Variants in LRMDA observed in about 807,000 individuals in gnomAD.
LRMDA encodes the protein leucine rich melanocyte differentiation associated.
LRMDA carries 18 observed loss-of-function variants against 29.8 expected under a neutral mutation model. That is an observed-to-expected ratio of 0.60 (90% confidence interval 0.42 to 0.90). The LOEUF (loss-of-function observed/expected upper bound fraction) is 0.90, where lower values mean the gene tolerates loss of function less well. Among genes scored for constraint, LRMDA ranks in the 40% least tolerant of loss-of-function variants. The pLI, the probability that LRMDA is intolerant of heterozygous loss-of-function variation, is 0.00. For synonymous variants in LRMDA, 125 were observed against 109.4 expected (o/e 1.14, Z -0.89); for missense variants, 273 against 273.9 (o/e 1.00, Z 0.02).
intron 6 of LRMDA, among the ~76,000 whole-genome samples, chr10:76,425,257 T>C (rs1379823733): frequency 6.6e-6 from 1 of 152,234 alleles, no homozygotes; most frequent in East Asian, 1.9e-4. Context: ...ATTACCAATG[T>C]CACCATTATT....
At chr10:75,799,645 G>A (rs1337567506) in intron 2 of LRMDA, among the ~76,000 whole-genome samples, 1 of 149,540 alleles carries the variant, frequency 6.7e-6, no homozygotes, top group African/African-American at 2.5e-5. Flanking sequence ...CTCCCAAGTA[G>A]CTGAGATCAC....
intron 2 of LRMDA, among the ~76,000 whole-genome samples, chr10:75,910,071 A>G (rs1845819358): frequency 2.0e-5 from 3 of 152,350 alleles, no homozygotes; most frequent in South Asian, 4.1e-4. Context: ...GAAATGTATC[A>G]TAGGAGAAAC....
At chr10:75,708,558 G>C (rs1842397398) in intron 2 of LRMDA, among the ~76,000 whole-genome samples, 1 of 152,068 alleles carries the variant, frequency 6.6e-6, no homozygotes, top group African/African-American at 2.4e-5. Context: ...TGGGAGGTGT[G>C]GGATTTGCAG....
chr10:76,341,844 G>C (rs1242646264), intron 6 of LRMDA, among the ~76,000 whole-genome samples: 1 of 152,158 alleles, frequency 6.6e-6, no homozygotes, highest in Non-Finnish European at 1.5e-5. Flanking sequence ...AGAGTCCCAA[G>C]AGACAGGAAG....
intron 6 of LRMDA, among the ~76,000 whole-genome samples, chr10:76,415,298 C>A (rs971198702): frequency 3.3e-5 from 5 of 152,200 alleles, no homozygotes; most frequent in Non-Finnish European, 7.4e-5. Flanking sequence ...CTTCTCCTGC[C>A]TTGTTTAAGA....
intron 4 of LRMDA, among the ~76,000 whole-genome samples, chr10:76,055,793 G>A (rs1234034019): frequency 1.3e-5 from 2 of 152,250 alleles, no homozygotes; most frequent in Non-Finnish European, 2.9e-5. Flanking sequence ...GCAGGCACTG[G>A]GGAACGTGGT....
intron 6 of LRMDA, among the ~76,000 whole-genome samples, chr10:76,461,250 G>A (rs1002775760): frequency 1.3e-5 from 2 of 152,174 alleles, no homozygotes; most frequent in Non-Finnish European, 2.9e-5. Context: ...GGTGTGAAAT[G>A]TCTAGGTATG....
rs548347176 is a variant in LRMDA, at chr10:76,320,618, A to G, written c.517-3783A>G. Among the ~76,000 whole-genome samples, 3 of 152,332 alleles carry G rather than the reference A, an allele frequency of 2.0e-5. No homozygotes were observed. The East Asian group carries it at 5.8e-4, about 29-fold the overall frequency. ...GAAATAGGGCCTTTTGGTGTTTTTA[A>G]AAAAATTTCAGGCTTAAGTCTGAGA... is the stretch of plus-strand genomic sequence containing the variant. On this transcript the variant is annotated intron_variant, in intron 5 of 6. Transcript: ENST00000611255.
intron 2 of LRMDA, among the ~76,000 whole-genome samples, chr10:75,644,740 A>G (rs139939233): frequency 2.6e-4 from 40 of 152,268 alleles, no homozygotes; most frequent in African/African-American, 8.4e-4. Flanking sequence ...CATGCCGCCA[A>G]CTGATTCTCT....
At chr10:75,498,999 C>G (rs1845080720) in intron 2 of LRMDA, among the ~76,000 whole-genome samples, 1 of 151,984 alleles carries the variant, frequency 6.6e-6, no homozygotes. Context: ...TGTGCAGGAC[C>G]AGGTGAGAAG....
intron 2 of LRMDA, among the ~76,000 whole-genome samples, chr10:75,512,885 A>C (rs1845241776): frequency 6.6e-6 from 1 of 152,166 alleles, no homozygotes; most frequent in Non-Finnish European, 1.5e-5. Flanking sequence ...AATTTACCCT[A>C]CTTGTTAAAC....
intron 5 of LRMDA, among the ~76,000 whole-genome samples, chr10:76,238,254 T>A (rs1589388615): frequency 6.6e-6 from 1 of 151,988 alleles, no homozygotes; most frequent in East Asian, 1.9e-4. Flanking sequence ...TGAGCCGGGG[T>A]TGAGTTAGAC....
chr10:76,460,082 T>C (rs906895717), intron 6 of LRMDA, among the ~76,000 whole-genome samples: 2 of 152,234 alleles, frequency 1.3e-5, no homozygotes, highest in African/African-American at 4.8e-5. Flanking sequence ...CCTTTCATAA[T>C]GTGTCCCCTA....
chr10:76,460,475 A>G (rs1842500752), intron 6 of LRMDA, among the ~76,000 whole-genome samples: 1 of 152,218 alleles, frequency 6.6e-6, no homozygotes, highest in Non-Finnish European at 1.5e-5. Context: ...CAAGATGGAG[A>G]TCTGTGTTCC....
chr10:75,871,268 T>C (rs1416649883), intron 2 of LRMDA, among the ~76,000 whole-genome samples: 1 of 152,212 alleles, frequency 6.6e-6, no homozygotes, highest in East Asian at 1.9e-4. Context: ...TTCCTGCTGA[T>C]GGTGTCTCAC....
chr10:75,754,905 C>A (rs1843012527), intron 2 of LRMDA, among the ~76,000 whole-genome samples: 4 of 152,048 alleles, frequency 2.6e-5, no homozygotes, highest in Admixed American at 1.3e-4. Context: ...ACTTTTCCTG[C>A]AATTTTATTC....
chr10:75,649,763 C>T (rs994750793), intron 2 of LRMDA, among the ~76,000 whole-genome samples: 2 of 152,202 alleles, frequency 1.3e-5, no homozygotes, highest in Non-Finnish European at 2.9e-5. Context: ...TCCGATTTCT[C>T]TACATCCTTG....
intron 6 of LRMDA, among the ~76,000 whole-genome samples, chr10:76,408,447 C>T (rs1363080712): frequency 1.3e-5 from 2 of 152,122 alleles, no homozygotes; most frequent in Non-Finnish European, 2.9e-5. Flanking sequence ...ATTATGTTCT[C>T]ATAATTCTCA....
intron 2 of LRMDA, among the ~76,000 whole-genome samples, chr10:75,478,493 A>G (rs766080298): frequency 6.6e-6 from 1 of 152,146 alleles, no homozygotes; most frequent in Non-Finnish European, 1.5e-5. Context: ...TCACCTTACT[A>G]TATTTGACTG....
Sources: gnomAD v4.1 joint callset for allele counts (sites outside exome capture counted in the v4.1 genomes callset) on GRCh38, gnomAD v4.1.1 for gene constraint, MANE v1.5 for transcripts, NCBI Gene and HGNC (gene_info 2026-07-23, HGNC 2026-07-21) for gene names.